NEGR1: variants seen among roughly 807,000 people sequenced by gnomAD.
The protein encoded by NEGR1 is IgLON family member 4.
NEGR1 carries 10 observed loss-of-function variants against 40.9 expected under a neutral mutation model. That is an observed-to-expected ratio of 0.24 (90% CI 0.15 to 0.42). The LOEUF (loss-of-function observed/expected upper bound fraction) is 0.42, where lower values mean the gene tolerates loss of function less well. NEGR1 is among the 10% of genes least tolerant of loss of function. NEGR1 has a pLI of 1.00. For synonymous variants in NEGR1, 185 were observed against 166.8 expected, an observed-to-expected ratio of 1.11 and a Z score of -0.84; for missense variants, 352 against 438.9, an observed-to-expected ratio of 0.80 and a Z score of 1.77.
At chr1:71,419,934 A>G (rs1160915606) in intron 6 of NEGR1, among the ~76,000 whole-genome samples, 1 of 151,998 alleles carries the variant, frequency 6.6e-6, no homozygotes, top group Non-Finnish European at 1.5e-5. Context: ...AAAAGAAAAC[A>G]TGCACAGTGA....
At chr1:72,275,357 C>T (rs1025640980) in intron 1 of NEGR1, among the ~76,000 whole-genome samples, 16 of 151,846 alleles carry the variant, frequency 1.1e-4, no homozygotes, top group African/African-American at 3.1e-4. Flanking sequence ...TCTAGTCATA[C>T]GGTAATTTTT....
At chr1:71,895,667 C>T (rs1028361630) in intron 2 of NEGR1, among the ~76,000 whole-genome samples, 3 of 152,158 alleles carry the variant, frequency 2.0e-5, no homozygotes, top group African/African-American at 7.2e-5. Context: ...CATTCTATGG[C>T]TCTATCACAT....
At chr1:71,580,222 C>A (rs1557574549) in intron 6 of NEGR1, among the ~76,000 whole-genome samples, 1 of 151,408 alleles carries the variant, frequency 6.6e-6, no homozygotes, top group Non-Finnish European at 1.5e-5. Flanking sequence ...AAACCAAACA[C>A]CGCATATTCT....
intron 4 of NEGR1, among the ~76,000 whole-genome samples, chr1:71,615,387 T>C (rs1650416885): frequency 1.3e-5 from 2 of 152,184 alleles, no homozygotes; most frequent in African/African-American, 4.8e-5. Context: ...GCAAGATATG[T>C]TATTTACTAT....
rs924693759 is a variant in NEGR1 at position 72,111,209 on chromosome 1, C to A, written c.176+171110G>T. 3.3e-5 allele frequency among the ~76,000 whole-genome samples: 5 copies of A among 151,526 alleles called. No homozygotes were observed. In the East Asian group the frequency reaches 7.8e-4, roughly 24 times the overall value. ...CCATGATTTGGGGTTGGCTATTAAA[C>A]CTTTCTAAGCTTTAGTCTTCTCCTC... is the stretch of plus-strand genomic sequence containing the variant. On this transcript the variant is annotated intron_variant, in intron 1 of 6. Coordinates refer to ENST00000357731, the MANE Select transcript of NEGR1 (RefSeq NM_173808.3).
chr1:71,911,717 A>T (rs1661424326), intron 2 of NEGR1, among the ~76,000 whole-genome samples: 1 of 152,210 alleles, frequency 6.6e-6, no homozygotes, highest in Non-Finnish European at 1.5e-5. Flanking sequence ...TCCCAAAATA[A>T]ACAGGTATAT....
intron 2 of NEGR1, among the ~76,000 whole-genome samples, chr1:71,838,167 G>A (rs182099098): frequency 7.2e-5 from 11 of 152,066 alleles, no homozygotes; most frequent in Admixed American, 2.0e-4. Context: ...TTAGAAAATC[G>A]TTAGTATACG....
intron 2 of NEGR1, among the ~76,000 whole-genome samples, chr1:71,800,788 C>A (rs1211709402): frequency 6.6e-6 from 1 of 152,110 alleles, no homozygotes; most frequent in East Asian, 1.9e-4. Flanking sequence ...CCCACATCAT[C>A]CAGTGTTTTA....
intron 1 of NEGR1, among the ~76,000 whole-genome samples, chr1:72,216,645 A>AT: frequency 6.6e-6 from 1 of 150,948 alleles, no homozygotes; most frequent in Non-Finnish European, 1.5e-5. Context: ...GTTCAAAACA[A>AT]TTTTTACATT....
intron 6 of NEGR1, among the ~76,000 whole-genome samples, chr1:71,522,918 C>T (rs1033619773): frequency 1.5e-4 from 23 of 152,012 alleles, no homozygotes; most frequent in African/African-American, 5.5e-4. Context: ...TTTTGATTGC[C>T]TGGCTGCATG....
At chr1:71,568,845 TG>T (rs1201535164) in intron 6 of NEGR1, among the ~76,000 whole-genome samples, 2 of 151,516 alleles carry the variant, frequency 1.3e-5, no homozygotes, top group African/African-American at 4.8e-5. Flanking sequence ...TGTGTGTGTG[TG>T]TGTGTGTGTG....
chr1:71,413,924 A>C (rs1646339336), intron 6 of NEGR1, among the ~76,000 whole-genome samples: 1 of 152,174 alleles, frequency 6.6e-6, no homozygotes. Flanking sequence ...AGCAAATGTA[A>C]CTGTGAAATA....
intron 1 of NEGR1, among the ~76,000 whole-genome samples, chr1:72,281,819 A>G: frequency 6.6e-6 from 1 of 152,152 alleles, no homozygotes; most frequent in South Asian, 2.1e-4. Flanking sequence ...GAAGGAGAAA[A>G]GAAAGAAAAC....
At chr1:71,672,838 A>G (rs115664765) in intron 4 of NEGR1, among the ~76,000 whole-genome samples, 14 of 152,280 alleles carry the variant, frequency 9.2e-5, no homozygotes, top group African/African-American at 3.1e-4. Flanking sequence ...CTAGGATGAG[A>G]GTATGTTAAA....
At chr1:71,945,920 A>G (rs1167046473) in intron 1 of NEGR1, among the ~76,000 whole-genome samples, 1 of 152,210 alleles carries the variant, frequency 6.6e-6, no homozygotes, top group Non-Finnish European at 1.5e-5. Context: ...AATTATTACA[A>G]TGTTTTATAG....
chr1:71,745,790 A>C lies in NEGR1; in HGVS notation c.535+30382T>G, dbSNP rs559879233. Among the ~76,000 whole-genome samples the C allele has an allele frequency of 2.6e-3, 403 of 152,248 alleles. 3 individuals carry two copies. Among genetic ancestry groups the C allele is most frequent in the Non-Finnish European group, 4.6e-3 (310 of 68,010 alleles). ...AGAGCAAGACTATGTCAAAAACCAA[A>C]CAAACAAACAAACAGAAATCATAAC... On this transcript the variant is annotated intron_variant, in intron 3 of 6. Transcript: ENST00000357731.
chr1:71,585,534 A>T (rs1034857127), intron 6 of NEGR1, among the ~76,000 whole-genome samples: 1 of 152,072 alleles, frequency 6.6e-6, no homozygotes, highest in Non-Finnish European at 1.5e-5. Context: ...AACACCAAAT[A>T]CCAAAGCTTC....
At chr1:71,663,019 C>G (rs968415811) in intron 4 of NEGR1, among the ~76,000 whole-genome samples, 5 of 151,746 alleles carry the variant, frequency 3.3e-5, no homozygotes, top group African/African-American at 1.2e-4. Context: ...TGCAGTGGCA[C>G]GATCTCGGCT....
At chr1:71,639,225 A>C (rs2101571788) in intron 4 of NEGR1, among the ~76,000 whole-genome samples, 1 of 149,688 alleles carries the variant, frequency 6.7e-6, no homozygotes, top group East Asian at 2.0e-4. Context: ...AAAAAAAAAC[A>C]GGACACAAAA....
Sources: allele counts gnomAD v4.1 joint callset (sites outside exome capture counted in the v4.1 genomes callset), GRCh38; gene constraint gnomAD v4.1.1; transcripts MANE v1.5; gene names NCBI Gene and HGNC (gene_info 2026-07-23, HGNC 2026-07-21).